Variants in RB1CC1 observed in about 807,000 individuals in gnomAD.
RB1CC1 encodes the protein RB1 inducible coiled-coil 1.
A neutral mutation model predicts 177.5 loss-of-function variants in RB1CC1; 46 were observed. The observed-to-expected ratio is 0.26, with a 90% confidence interval of 0.20 to 0.33. RB1CC1 has a LOEUF of 0.33. Among genes scored for constraint, RB1CC1 ranks in the 10% least tolerant of loss-of-function variants. The pLI, the probability that RB1CC1 is intolerant of heterozygous loss-of-function variation, is 1.00. For synonymous variants in RB1CC1, 666 were observed against 613.6 expected, an observed-to-expected ratio of 1.09 and a Z score of -1.26; for missense variants, 1,703 against 1,816.3, an observed-to-expected ratio of 0.94 and a Z score of 1.13.
chr8:52,679,016 C>T (rs1157987530), intron 5 of RB1CC1, among the ~76,000 whole-genome samples: 1 of 152,074 alleles, frequency 6.6e-6, no homozygotes, highest in Non-Finnish European at 1.5e-5. Flanking sequence ...GAAACAACTA[C>T]CACCCCACAC....
In RB1CC1 at chr8:52,645,883, C is replaced by G. The variant is rs769073427; in HGVS notation, c.3822-16G>C. ...AATGGCAGGACTTACAAATTAAATACAGCATTAAATTAAAAAAAAAATTAC... is the reference window on the plus strand; with the variant it reads ...AATGGCAGGACTTACAAATTAAATAGAGCATTAAATTAAAAAAAAAATTAC... On this transcript the variant is annotated splice_polypyrimidine_tract_variant and intron_variant, in intron 15 of 23. Transcript: ENST00000025008. The G allele has an allele frequency of 1.3e-6, 2 of 1,572,972 alleles. No individual in the cohort carries two copies. Among genetic ancestry groups the G allele is most frequent in the Non-Finnish European group, 1.7e-6 (2 of 1,168,472 alleles).
At chr8:52,701,503 C>T (rs1856051539) in intron 1 of RB1CC1, among the ~76,000 whole-genome samples, 1 of 152,132 alleles carries the variant, frequency 6.6e-6, no homozygotes, top group Non-Finnish European at 1.5e-5. Flanking sequence ...CTGATCCAGT[C>T]AAAACAAGAG....
intron 1 of RB1CC1, among the ~76,000 whole-genome samples, chr8:52,713,168 T>C (rs1445379232): frequency 6.6e-6 from 1 of 152,238 alleles, no homozygotes; most frequent in African/African-American, 2.4e-5. Context: ...TGCAGCAGAC[T>C]TGAGAACATT....
intron 15 of RB1CC1, among the ~76,000 whole-genome samples, chr8:52,655,027 T>C (rs1387216994): frequency 6.6e-6 from 1 of 152,182 alleles, no homozygotes; most frequent in Non-Finnish European, 1.5e-5. Flanking sequence ...ACTGTCCATC[T>C]CTGATTCTCT....
rs566489284 is a variant in RB1CC1 at position 52,663,001 on chromosome 8, T to C, written c.1174-1282A>G. Among the ~76,000 whole-genome samples the C allele has an allele frequency of 5.3e-5, 8 of 152,220 alleles. No homozygotes were observed. In the South Asian group the frequency reaches 1.7e-3, roughly 32 times the overall value. ...TTTCCTGACACCAAAAGCATGTAAG[T>C]ACTGTATTGCTAAAAGAAGGAAAAA... On this transcript the variant is annotated intron_variant, in intron 8 of 23. Coordinates refer to ENST00000025008, the MANE Select transcript of RB1CC1 (RefSeq NM_014781.5).
At chr8:52,635,715 T>C (rs963198797) in intron 19 of RB1CC1, among the ~76,000 whole-genome samples, 2 of 152,170 alleles carry the variant, frequency 1.3e-5, no homozygotes, top group Admixed American at 6.5e-5. Context: ...TCTCAACTAT[T>C]AGGTAAAACT....
intron 1 of RB1CC1, among the ~76,000 whole-genome samples, chr8:52,696,873 C>CT (rs1323460760): frequency 6.6e-6 from 1 of 151,972 alleles, no homozygotes; most frequent in Non-Finnish European, 1.5e-5. Flanking sequence ...CATGATGGTG[C>CT]ACACCTGTAC....
intron 18 of RB1CC1, 41 bp from the exon 19 acceptor site, chr8:52,636,110 A>ATT: frequency 6.4e-7 from 1 of 1,570,696 alleles, no homozygotes. Flanking sequence ...GAAATTCTAA[A>ATT]CTTTACATTC....
chr8:52,647,158 T>C (rs906259515), intron 15 of RB1CC1, among the ~76,000 whole-genome samples: 1 of 152,212 alleles, frequency 6.6e-6, no homozygotes, highest in African/African-American at 2.4e-5. Flanking sequence ...AATCCTTTTA[T>C]TCATGCTTCC....
intron 10 of RB1CC1, 33 bp from the exon 11 acceptor site, chr8:52,661,040 A>T: frequency 6.2e-7 from 1 of 1,611,504 alleles, no homozygotes; most frequent in Non-Finnish European, 8.5e-7. Context: ...AAACATAAAC[A>T]TACACCAATT....
intron 22 of RB1CC1, among the ~76,000 whole-genome samples, chr8:52,627,490 G>A (rs191088947): frequency 1.3e-5 from 2 of 152,064 alleles, no homozygotes; most frequent in African/African-American, 2.4e-5. Flanking sequence ...AGTACACCAG[G>A]ATATCTATTC....
At chr8:52,649,920 G>A (rs974365913) in intron 15 of RB1CC1, among the ~76,000 whole-genome samples, 10 of 152,270 alleles carry the variant, frequency 6.6e-5, no homozygotes, top group East Asian at 5.8e-4. Context: ...TTCTGATCTT[G>A]CATTTCCTTA....
At chr8:52,671,460 T>TA (rs1296824818) in intron 7 of RB1CC1, among the ~76,000 whole-genome samples, 1 of 151,918 alleles carries the variant, frequency 6.6e-6, no homozygotes, top group Non-Finnish European at 1.5e-5. Flanking sequence ...AAAATGAGAG[T>TA]AAAAAACCAT....
chr8:52,687,346 C>A (rs535582806), intron 1 of RB1CC1, among the ~76,000 whole-genome samples: 5 of 152,200 alleles, frequency 3.3e-5, no homozygotes, highest in Admixed American at 1.3e-4. Context: ...AAAAATGGCA[C>A]CTGCAGCAGA....
intron 1 of RB1CC1, among the ~76,000 whole-genome samples, chr8:52,703,138 C>A (rs908663810): frequency 6.6e-6 from 1 of 151,958 alleles, no homozygotes; most frequent in Admixed American, 6.6e-5. Flanking sequence ...AAGTAATCAA[C>A]TTGGTTTAAT....
intron 5 of RB1CC1, among the ~76,000 whole-genome samples, chr8:52,682,871 G>C (rs1051179653): frequency 3.3e-5 from 5 of 151,944 alleles, no homozygotes; most frequent in Admixed American, 3.3e-4. Context: ...GAAAAATGGG[G>C]GTATTTGTAC....
intron 15 of RB1CC1, among the ~76,000 whole-genome samples, chr8:52,651,542 G>A (rs146445335): frequency 2.0e-3 from 310 of 152,308 alleles, no homozygotes; most frequent in Non-Finnish European, 3.5e-3. Context: ...AACACATTCA[G>A]AGGACAAGTG....
intron 1 of RB1CC1, among the ~76,000 whole-genome samples, chr8:52,709,447 CTT>C (rs1856872515): frequency 1.3e-5 from 2 of 152,028 alleles, no homozygotes; most frequent in Admixed American, 1.3e-4. Flanking sequence ...ACAGTCAAAA[CTT>C]AGAATTAGGC....
intron 1 of RB1CC1, among the ~76,000 whole-genome samples, chr8:52,699,854 T>C (rs552388722): frequency 9.4e-5 from 9 of 95,332 alleles, no homozygotes; most frequent in African/African-American, 3.5e-4. Flanking sequence ...TATATATATA[T>C]ATATACACAC....
Sources: allele counts gnomAD v4.1 joint callset (sites outside exome capture counted in the v4.1 genomes callset), GRCh38; gene constraint gnomAD v4.1.1; transcripts MANE v1.5; gene names NCBI Gene and HGNC (gene_info 2026-07-23, HGNC 2026-07-21).